The following DNAH3 variants were observed in gnomAD, a reference collection of about 807,000 sequenced individuals.
The protein encoded by DNAH3 is dynein axonemal heavy chain 3.
In DNAH3, 332 loss-of-function variants were observed where a neutral mutation model predicts 432.5. The observed-to-expected ratio is 0.77, with a 90% CI of 0.70 to 0.84. The LOEUF is 0.84. Ranked by LOEUF, DNAH3 falls within the 40% of genes least tolerant of loss-of-function variation. DNAH3 has a pLI of 0.00. For synonymous variants in DNAH3, 1,956 were observed against 1,900.2 expected, an observed-to-expected ratio of 1.03 and a Z score of -0.76; for missense variants, 4,861 against 5,114.0, an observed-to-expected ratio of 0.95 and a Z score of 1.51.
intron 41 of DNAH3, among the ~76,000 whole-genome samples, chr16:21,012,757 T>C (rs2087666402): frequency 6.6e-6 from 1 of 152,126 alleles, no homozygotes; most frequent in African/African-American, 2.4e-5. Context: ...AATAAAACAC[T>C]TTTTAATTTT....
chr16:20,942,379 C>G (rs1363178743), intron 58 of DNAH3, among the ~76,000 whole-genome samples: 1 of 152,172 alleles, frequency 6.6e-6, no homozygotes, highest in African/African-American at 2.4e-5. Context: ...CAAGGAGGAA[C>G]AAGACCTGAG....
intron 37 of DNAH3, 132 bp from the exon 38 acceptor site, chr16:21,027,259 G>A (rs2088617216): frequency 1.5e-6 from 1 of 678,174 alleles, no homozygotes; most frequent in Non-Finnish European, 2.6e-6. Flanking sequence ...TGATGTCCCA[G>A]GCACTGTTAT....
chr16:21,029,778 T>C (rs2088778280), intron 37 of DNAH3, among the ~76,000 whole-genome samples: 1 of 152,244 alleles, frequency 6.6e-6, no homozygotes, highest in South Asian at 2.1e-4. Flanking sequence ...CTAACTCTAC[T>C]ATTGAGCTGT....
intron 25 of DNAH3, 65 bp downstream of exon 25, chr16:21,062,417 G>T: frequency 7.2e-7 from 1 of 1,387,458 alleles, no homozygotes; most frequent in Non-Finnish European, 1.0e-6. Context: ...CCAGTGCTTA[G>T]CCAATACGCT....
chr16:21,040,555 G>A (rs1244384179), intron 32 of DNAH3, among the ~76,000 whole-genome samples: 2 of 151,436 alleles, frequency 1.3e-5, no homozygotes, highest in African/African-American at 4.9e-5. Flanking sequence ...TAGTAGAGAT[G>A]GGGTTTCATC....
chr16:20,984,451 A>G (rs2086087979), intron 48 of DNAH3, among the ~76,000 whole-genome samples: 1 of 152,172 alleles, frequency 6.6e-6, no homozygotes. Flanking sequence ...GGGAAGTACT[A>G]AACACAATTG....
intron 41 of DNAH3, among the ~76,000 whole-genome samples, chr16:21,011,466 C>T (rs2087598240): frequency 6.6e-6 from 1 of 152,170 alleles, no homozygotes; most frequent in Non-Finnish European, 1.5e-5. Flanking sequence ...AAGTGATCCT[C>T]CTGCCTCAGC....
At chr16:20,984,031 A>AAG (rs1017991757) in intron 48 of DNAH3, among the ~76,000 whole-genome samples, 2 of 147,246 alleles carry the variant, frequency 1.4e-5, no homozygotes, top group African/African-American at 5.1e-5. Flanking sequence ...TATATCCAGA[A>AAG]AAAAAAAAAA....
chr16:21,131,688 A>T (rs2092564765), intron 7 of DNAH3, among the ~76,000 whole-genome samples: 1 of 151,782 alleles, frequency 6.6e-6, no homozygotes, highest in African/African-American at 2.4e-5. Flanking sequence ...TGTCTCTACT[A>T]AAAATACAAA....
At chr16:20,987,545 G>C (rs1018044147) in intron 46 of DNAH3, 97 bp from the exon 47 acceptor site, 3 of 1,550,670 alleles carry the variant, frequency 1.9e-6, no homozygotes, top group African/African-American at 1.4e-5. Context: ...TTTGAGGATT[G>C]AACTAGATAA....
chr16:21,049,460 G>A, intron 31 of DNAH3, 109 bp downstream of exon 31: 1 of 790,588 alleles, frequency 1.3e-6, no homozygotes, highest in Non-Finnish European at 2.1e-6. Flanking sequence ...GGAGGTTCTT[G>A]TGTCTGCCAT....
rs114808967 is a variant in DNAH3 at position 20,957,195 on chromosome 16, T to C, written c.10826+1984A>G. Among the ~76,000 whole-genome samples the C allele has an allele frequency of 5.2e-3, 790 of 152,308 alleles. 7 individuals are homozygous for C. The highest frequency in any genetic ancestry group is 0.018 in the African/African-American group (742 of 41,574). On this transcript the variant is annotated intron_variant, in intron 54 of 61. Coordinates refer to ENST00000261383, the Ensembl canonical transcript of DNAH3. ...AAAATAACCAGCTAGTTTTGTTGGA[T>C]AGAGCAGGGGTTGACAAATTTTTTT... is the stretch of plus-strand genomic sequence containing the variant.
At chr16:21,136,811 T>A (rs996282568) in intron 5 of DNAH3, among the ~76,000 whole-genome samples, 4 of 151,688 alleles carry the variant, frequency 2.6e-5, no homozygotes, top group Non-Finnish European at 5.9e-5. Context: ...AGTCCAGGGA[T>A]GGAGGTGGCA....
At chr16:20,940,833 C>T (rs2083778214) in intron 59 of DNAH3, among the ~76,000 whole-genome samples, 1 of 152,156 alleles carries the variant, frequency 6.6e-6, no homozygotes, top group South Asian at 2.1e-4. Flanking sequence ...GTGGCTCCCA[C>T]CTGTAATCCC....
At chr16:20,974,393 C>T (rs1338003308) in intron 51 of DNAH3, among the ~76,000 whole-genome samples, 5 of 151,594 alleles carry the variant, frequency 3.3e-5, no homozygotes, top group Admixed American at 1.3e-4. Flanking sequence ...GTCAGCTACT[C>T]GGGAGGCTGA....
chr16:21,079,514 T>A (rs2091102723), intron 20 of DNAH3, among the ~76,000 whole-genome samples: 1 of 152,018 alleles, frequency 6.6e-6, no homozygotes, highest in African/African-American at 2.4e-5. Flanking sequence ...TCCCAGCCAC[T>A]CGGGAGGCTG....
intron 1 of DNAH3, chr16:21,158,301 G>A (rs1013921677): frequency 2.6e-5 from 4 of 152,276 alleles, no homozygotes; most frequent in Non-Finnish European, 5.9e-5. Flanking sequence ...AGACGTTCCA[G>A]AGCAGCTGGT....
chr16:21,125,204 C>T (rs1421980646), exon 9 of DNAH3: 1 of 1,610,868 alleles, frequency 6.2e-7, no homozygotes, highest in South Asian at 1.1e-5. Flanking sequence ...GAAACGAGGT[C>T]CTCAAGTGAC....
At position 20,977,444 on chromosome 16, in the gene DNAH3, C is replaced by G. The variant is rs370211772; in HGVS notation, c.8076+1886G>C. ...TTTCCTGATGCAGAGCTAGAATTAC[C>G]CCCCTGAAGTTTGCACTCACTGGTC... On this transcript the variant is annotated intron_variant, in intron 50 of 61. Coordinates refer to ENST00000261383, the Ensembl canonical transcript of DNAH3. 2.0e-5 allele frequency among the ~76,000 whole-genome samples: 3 copies of G among 152,070 alleles called. No homozygotes were observed. The South Asian group carries it at 6.2e-4, about 32-fold the overall frequency.
Sources: allele counts gnomAD v4.1 joint callset (sites outside exome capture counted in the v4.1 genomes callset), GRCh38; gene constraint gnomAD v4.1.1; transcripts MANE v1.5; gene names NCBI Gene and HGNC (gene_info 2026-07-23, HGNC 2026-07-21).